CEP63: variants seen among roughly 807,000 people sequenced by gnomAD.
The protein encoded by CEP63 is centrosomal protein 63.
In CEP63, 84 loss-of-function variants were observed where a neutral mutation model predicts 89.1. The ratio of observed to expected loss-of-function variants is 0.94; its 90% CI spans 0.79 to 1.13. The LOEUF (loss-of-function observed/expected upper bound fraction) is 1.13. Ranked by LOEUF, CEP63 falls within the 50% of genes most tolerant of loss-of-function variation. CEP63 has a pLI of 0.00. For missense variants in CEP63, 838 were observed against 813.3 expected, an observed-to-expected ratio of 1.03 and a Z score of -0.37; for synonymous variants, 267 against 272.5, an observed-to-expected ratio of 0.98 and a Z score of 0.20.
chr3:134,714,754 A>C, the CEP63 span, among the ~76,000 whole-genome samples: 1 of 152,188 alleles, frequency 6.6e-6, no homozygotes, highest in African/African-American at 2.4e-5. Flanking sequence ...TTGGGCTCTG[A>C]AGATTTGCTC....
the CEP63 span, among the ~76,000 whole-genome samples, chr3:134,598,820 T>G: frequency 6.6e-6 from 1 of 152,214 alleles, no homozygotes; most frequent in South Asian, 2.1e-4. Flanking sequence ...TTAGCATCTT[T>G]TGACTCGGAG....
the CEP63 span, among the ~76,000 whole-genome samples, chr3:134,748,513 A>G: frequency 6.6e-6 from 1 of 152,122 alleles, no homozygotes; most frequent in African/African-American, 2.4e-5. Flanking sequence ...TGTTCTTTCT[A>G]CATATACTGA....
At chr3:134,626,708 C>T in the CEP63 span, among the ~76,000 whole-genome samples, 1 of 152,198 alleles carries the variant, frequency 6.6e-6, no homozygotes, top group Non-Finnish European at 1.5e-5. Context: ...TCTTCTGGGC[C>T]AGCATGGTTT....
chr3:134,738,966 T>TAATAA, the CEP63 span, among the ~76,000 whole-genome samples: 5 of 146,614 alleles, frequency 3.4e-5, no homozygotes, highest in Non-Finnish European at 6.0e-5. Flanking sequence ...ATGGCTATAA[T>TAATAA]AAAAAAAAAA....
the CEP63 span, among the ~76,000 whole-genome samples, chr3:134,763,419 C>T: frequency 6.6e-6 from 1 of 152,238 alleles, no homozygotes; most frequent in East Asian, 1.9e-4. Context: ...CTGCTTTTCT[C>T]TTATGAAATA....
chr3:134,554,839 GA>G (rs1247910460), intron 12 of CEP63, among the ~76,000 whole-genome samples: 48 of 152,236 alleles, frequency 3.2e-4, no homozygotes, highest in Admixed American at 2.7e-3. Context: ...GGCCAGTGAT[GA>G]TGAGCATTTT....
intron 3 of CEP63, among the ~76,000 whole-genome samples, chr3:134,509,279 G>A (rs904993617): frequency 1.3e-5 from 2 of 152,172 alleles, no homozygotes; most frequent in African/African-American, 2.4e-5. Flanking sequence ...AGGAGAGAGA[G>A]AGTGAAGTGG....
chr3:134,643,404 G>T, the CEP63 span: 12 of 1,603,862 alleles, frequency 7.5e-6, no homozygotes, highest in South Asian at 1.1e-5. Flanking sequence ...AGAGAGGCCT[G>T]CAGTGACCAC....
chr3:134,490,275 C>T (rs950273115), intron 1 of CEP63, among the ~76,000 whole-genome samples: 1 of 151,964 alleles, frequency 6.6e-6, no homozygotes, highest in Non-Finnish European at 1.5e-5. Context: ...TTTTTTCACA[C>T]GTTGGATTTA....
chr3:134,677,839 C>T, the CEP63 span, among the ~76,000 whole-genome samples: 68 of 152,078 alleles, frequency 4.5e-4, no homozygotes, highest in African/African-American at 1.6e-3. Flanking sequence ...CTCTCCTTCC[C>T]TTCACATAGT....
chr3:134,559,054 T>C, intron 13 of CEP63, 96 bp from the exon 14 acceptor site: 2 of 1,241,438 alleles, frequency 1.6e-6, no homozygotes, highest in East Asian at 2.3e-5. Flanking sequence ...TGTAGCCTTA[T>C]TAGTTAGGCT....
At chr3:134,700,291 C>G in the CEP63 span, among the ~76,000 whole-genome samples, 2 of 152,230 alleles carry the variant, frequency 1.3e-5, no homozygotes, top group African/African-American at 4.8e-5. Flanking sequence ...ACAGCTCTCC[C>G]CTGAACCACT....
At chr3:134,625,774 C>A in the CEP63 span, among the ~76,000 whole-genome samples, 1 of 152,250 alleles carries the variant, frequency 6.6e-6, no homozygotes, top group African/African-American at 2.4e-5. Flanking sequence ...GGTAACAGGG[C>A]CCTGAGAAAG....
the CEP63 span, among the ~76,000 whole-genome samples, chr3:134,747,398 G>A: frequency 4.7e-4 from 71 of 152,350 alleles, no homozygotes; most frequent in African/African-American, 1.6e-3. Context: ...CCACTGCCAA[G>A]TGGCAGGCAC....
At chr3:134,747,710 G>A in the CEP63 span, among the ~76,000 whole-genome samples, 2 of 152,176 alleles carry the variant, frequency 1.3e-5, no homozygotes, top group East Asian at 1.9e-4. Flanking sequence ...TGGAAGAAAG[G>A]GGGGGAGAGT....
At chr3:134,489,001 A>AAT (rs1936700785) in intron 1 of CEP63, among the ~76,000 whole-genome samples, 1 of 151,828 alleles carries the variant, frequency 6.6e-6, no homozygotes, top group Non-Finnish European at 1.5e-5. Context: ...ACTAAAAATG[A>AAT]AAAATTAGCC....
the CEP63 span, among the ~76,000 whole-genome samples, chr3:134,645,255 C>A: frequency 1.3e-5 from 2 of 152,192 alleles, no homozygotes; most frequent in Non-Finnish European, 2.9e-5. Flanking sequence ...TGGGCCCAAA[C>A]ACCTGCTGCT....
rs200936751 is a variant in CEP63 at position 134,546,205 on chromosome 3, C to T, written c.846C>T (p.Leu282=). 5.6e-6 allele frequency: 9 copies of T among 1,613,736 alleles called. No homozygotes were observed. Among genetic ancestry groups the T allele is most frequent in the African/African-American group, 2.7e-5 (2 of 74,888 alleles). The part of the protein sequence containing the change: ...LKAALQSQEN[L]IHEARIQKEK... ...CAGCTCTTCAGTCTCAAGAAAATCT[C>T]ATACATGAGGCCAGAATACAAAAGG... The change falls in exon 8 of 15, where the codon CTC becomes CTT. Residue 282 remains leucine (L), a synonymous_variant. Coordinates refer to ENST00000675561, the MANE Select transcript of CEP63 (RefSeq NM_001353108.3).
the CEP63 span, among the ~76,000 whole-genome samples, chr3:134,638,518 T>C: frequency 1.3e-5 from 2 of 152,160 alleles, no homozygotes; most frequent in African/African-American, 4.8e-5. Flanking sequence ...CCACCAGTTG[T>C]CAACAAAATC....
Sources: allele counts gnomAD v4.1 joint callset (sites outside exome capture counted in the v4.1 genomes callset), GRCh38; gene constraint gnomAD v4.1.1; transcripts MANE v1.5; gene names NCBI Gene and HGNC (gene_info 2026-07-23, HGNC 2026-07-21).